Variants in DNAH6 observed in about 807,000 individuals in gnomAD.
DNAH6 encodes dynein axonemal heavy chain 6, also known as axonemal beta dynein heavy chain 6.
A neutral mutation model predicts 491.4 loss-of-function variants in DNAH6; 340 were observed. The observed-to-expected ratio is 0.69, with a 90% CI of 0.63 to 0.76. The LOEUF is 0.76. DNAH6 is among the 30% of genes least tolerant of loss of function. The probability of loss-of-function intolerance (pLI) is 0.00; values close to 1 mark genes in which losing one functional copy is unlikely to be tolerated. For missense variants in DNAH6, 4,443 were observed against 4,972.2 expected (o/e 0.89, Z 3.20); for synonymous variants, 1,603 against 1,686.1 (o/e 0.95, Z 1.21).
At chr2:84,616,847 A>G (rs772523299) in intron 22 of DNAH6, 39 bp from the exon 23 acceptor site, 2 of 1,143,716 alleles carry the variant, frequency 1.7e-6, no homozygotes, top group South Asian at 3.8e-5. Context: ...ATTTGATTTT[A>G]ACACAGTTTT....
At chr2:84,668,824 G>T (rs1473960480) in intron 37 of DNAH6, among the ~76,000 whole-genome samples, 3 of 39,770 alleles carry the variant, frequency 7.5e-5, no homozygotes, top group Non-Finnish European at 1.1e-4. Flanking sequence ...GTGTGTGTGT[G>T]TGTGTGTGTG....
intron 15 of DNAH6, 67 bp from the exon 16 acceptor site, chr2:84,588,759 C>CATTTA (rs1299599150): frequency 2.4e-6 from 3 of 1,267,714 alleles, no homozygotes; most frequent in African/African-American, 1.5e-5. Context: ...TTTATTAATT[C>CATTTA]ATTTAATTTA....
intron 11 of DNAH6, among the ~76,000 whole-genome samples, chr2:84,567,255 G>T (rs1354178132): frequency 2.6e-5 from 4 of 151,658 alleles, no homozygotes; most frequent in South Asian, 4.1e-4. Context: ...CCAAAACTAG[G>T]TAGAAAAATG....
At chr2:84,567,986 A>G (rs1015668485) in intron 11 of DNAH6, among the ~76,000 whole-genome samples, 2 of 152,156 alleles carry the variant, frequency 1.3e-5, no homozygotes, top group Admixed American at 1.3e-4. Context: ...TATAAACTCA[A>G]CATCACTGAT....
At chr2:84,740,680 C>T (rs1423192479) in intron 62 of DNAH6, among the ~76,000 whole-genome samples, 1 of 152,204 alleles carries the variant, frequency 6.6e-6, no homozygotes, top group Non-Finnish European at 1.5e-5. Flanking sequence ...TGGTGGGGCA[C>T]TGTTCCCCAA....
chr2:84,520,536 T>G (rs1281062700), intron 2 of DNAH6, among the ~76,000 whole-genome samples: 1 of 152,112 alleles, frequency 6.6e-6, no homozygotes, highest in Admixed American at 6.5e-5. Context: ...CTAAGTGTAG[T>G]ACACAATAGT....
At position 84,796,289 on chromosome 2, in the gene DNAH6, T is replaced by C. The variant is rs1233491338; in HGVS notation, c.11240-17T>C. The C allele has an allele frequency of 1.4e-6, 2 of 1,444,892 alleles. No individual in the cohort carries two copies. Among genetic ancestry groups the C allele is most frequent in the South Asian group, 1.5e-5 (1 of 65,228 alleles). 89.5% of individuals were successfully genotyped at this position (1,444,892 alleles called of 1,614,324 possible). The stretch of plus-strand genomic sequence containing the variant: ...TTTAAAAACAGCAATAATTTCAAAA[T>C]ACAAATTTCTTTTCAGGTGAAATTA... On this transcript the variant is annotated splice_polypyrimidine_tract_variant and intron_variant, in intron 68 of 76. Coordinates refer to ENST00000389394, the MANE Select transcript of DNAH6 (RefSeq NM_001370.2).
chr2:84,595,006 T>A (rs1194982720), intron 17 of DNAH6, among the ~76,000 whole-genome samples: 6 of 152,156 alleles, frequency 3.9e-5, no homozygotes, highest in Non-Finnish European at 8.8e-5. Context: ...GCTTAAAGGA[T>A]TTTCTGATTA....
chr2:84,805,573 C>T, intron 70 of DNAH6, 92 bp from the exon 71 acceptor site: 1 of 1,154,354 alleles, frequency 8.7e-7, no homozygotes, highest in Admixed American at 3.1e-5. Flanking sequence ...TTTTAGAGAA[C>T]TGCCTTTACT....
At chr2:84,752,769 A>G (rs750848678) in intron 63 of DNAH6, among the ~76,000 whole-genome samples, 35 of 152,076 alleles carry the variant, frequency 2.3e-4, no homozygotes, top group Middle Eastern at 3.2e-3. Context: ...TGCAAATAAT[A>G]TACTATTGCG....
intron 37 of DNAH6, among the ~76,000 whole-genome samples, chr2:84,660,059 A>G (rs1215355949): frequency 1.3e-5 from 2 of 152,204 alleles, no homozygotes; most frequent in Non-Finnish European, 2.9e-5. Context: ...GCTGAAAAGA[A>G]CTAGACACAA....
the DNAH6 span, among the ~76,000 whole-genome samples, chr2:84,507,539 C>T: frequency 2.6e-5 from 4 of 152,224 alleles, no homozygotes; most frequent in Admixed American, 2.6e-4. Flanking sequence ...TCCTCTTTTC[C>T]TAATTGAATA....
rs1369288800 is a variant in DNAH6, at chr2:84,705,576, G to A, written c.8556G>A (p.Gln2852=). The part of the protein sequence containing the change: ...LEYDKENIKP[Q]ILAKLQKYIN... ...ATGATAAGGAGAACATAAAGCCTCA[G>A]ATATTGGCAAAGCTTCAAAAGTATA... is the stretch of plus-strand genomic sequence containing the variant. The change falls in exon 52 of 77, where the codon CAG becomes CAA. Residue 2852 remains glutamine (Q), a synonymous_variant. Coordinates refer to ENST00000389394, the MANE Select transcript of DNAH6 (RefSeq NM_001370.2). 1.9e-6 allele frequency: 3 copies of A among 1,551,614 alleles called. No individual in the cohort carries two copies. Among genetic ancestry groups the A allele is most frequent in the Non-Finnish European group, 2.6e-6 (3 of 1,146,964 alleles).
intron 8 of DNAH6, 32 bp from the exon 9 acceptor site, chr2:84,549,857 C>T (rs775657072): frequency 1.3e-6 from 2 of 1,544,818 alleles, no homozygotes; most frequent in South Asian, 2.4e-5. Flanking sequence ...ATATAAGAAA[C>T]CGAAATTGTA....
chr2:84,679,861 A>G (rs1042528471), intron 41 of DNAH6, among the ~76,000 whole-genome samples: 1 of 152,248 alleles, frequency 6.6e-6, no homozygotes, highest in Non-Finnish European at 1.5e-5. Flanking sequence ...TGAATGAGAT[A>G]TCTAGATATA....
At chr2:84,755,271 C>G (rs1439458640) in intron 63 of DNAH6, among the ~76,000 whole-genome samples, 1 of 152,220 alleles carries the variant, frequency 6.6e-6, no homozygotes, top group Non-Finnish European at 1.5e-5. Flanking sequence ...GTCTTGCTCT[C>G]TTGCCCTCTC....
At chr2:84,572,174 T>C (rs1681961965) in intron 11 of DNAH6, among the ~76,000 whole-genome samples, 1 of 152,128 alleles carries the variant, frequency 6.6e-6, no homozygotes, top group Admixed American at 6.5e-5. Context: ...CCCTGAAATA[T>C]TTAGGGGTCA....
chr2:84,545,219 A>G (rs1373932820), intron 5 of DNAH6, among the ~76,000 whole-genome samples: 2 of 152,146 alleles, frequency 1.3e-5, no homozygotes. Flanking sequence ...AATATGAAAG[A>G]CTGTTATCAA....
chr2:84,811,812 G>A (rs1455700830), intron 72 of DNAH6, among the ~76,000 whole-genome samples: 2 of 147,700 alleles, frequency 1.4e-5, no homozygotes, highest in Non-Finnish European at 3.0e-5. Context: ...AGTGAGCCGA[G>A]ATCATCCCAC....
Sources: allele counts gnomAD v4.1 joint callset (sites outside exome capture counted in the v4.1 genomes callset), GRCh38; gene constraint gnomAD v4.1.1; transcripts MANE v1.5; gene names NCBI Gene and HGNC (gene_info 2026-07-23, HGNC 2026-07-21).